The following CNTN5 variants were observed in gnomAD, a reference collection of about 807,000 sequenced individuals.
CNTN5 encodes contactin 5, also known as contactin-5.
A neutral mutation model predicts 129.1 loss-of-function variants in CNTN5; 77 were observed. That is an observed-to-expected ratio of 0.60 (90% CI 0.50 to 0.72). CNTN5 has a LOEUF of 0.72. Ranked by LOEUF, CNTN5 falls within the 30% of genes least tolerant of loss-of-function variation. The pLI is 0.00. For missense variants in CNTN5, 1,478 were observed against 1,328.8 expected (o/e 1.11, Z -1.75); for synonymous variants, 509 against 465.6 (o/e 1.09, Z -1.20).
At chr11:99,030,929 C>T (rs983400806) in intron 1 of CNTN5, among the ~76,000 whole-genome samples, 2 of 151,890 alleles carry the variant, frequency 1.3e-5, no homozygotes, top group Admixed American at 6.6e-5. Context: ...TGGAGGCGCT[C>T]GCCACCACGC....
chr11:99,692,139 C>A (rs1160192220), intron 3 of CNTN5, among the ~76,000 whole-genome samples: 1 of 152,056 alleles, frequency 6.6e-6, no homozygotes, highest in Non-Finnish European at 1.5e-5. Context: ...TGTGTCTTTG[C>A]ATGTGAGATA....
At chr11:99,624,239 T>G (rs1230722898) in intron 3 of CNTN5, among the ~76,000 whole-genome samples, 1 of 145,774 alleles carries the variant, frequency 6.9e-6, no homozygotes, top group Non-Finnish European at 1.6e-5. Context: ...ATCAGTACCT[T>G]ATCTATATAA....
intron 7 of CNTN5, among the ~76,000 whole-genome samples, chr11:99,920,803 AACACTTGCCAACTAATACCAGC>A (rs755522171): frequency 5.3e-5 from 8 of 152,092 alleles, no homozygotes; most frequent in Non-Finnish European, 1.0e-4. Context: ...CACTTACCAA[AACACTTGCCAACTAATACCAGC>A]ACATTGGCAG....
chr11:100,027,114 G>T (rs78419885), intron 9 of CNTN5, among the ~76,000 whole-genome samples: 9,563 of 152,040 alleles, frequency 0.063, 415 homozygotes, highest in East Asian at 0.18. Context: ...CTGTTTTAAT[G>T]TTCTTGTTTA....
intron 3 of CNTN5, among the ~76,000 whole-genome samples, chr11:99,811,169 G>GA (rs1946417684): frequency 6.6e-6 from 1 of 151,958 alleles, no homozygotes; most frequent in African/African-American, 2.4e-5. Flanking sequence ...GGAGTCGATA[G>GA]AAAAGATTCA....
chr11:99,641,425 G>C (rs574725957), intron 3 of CNTN5, among the ~76,000 whole-genome samples: 2 of 151,766 alleles, frequency 1.3e-5, no homozygotes, highest in Admixed American at 6.6e-5. Context: ...CTCCCGGCCT[G>C]GTTCTCAAAG....
chr11:99,885,916 C>T (rs1355386201), intron 6 of CNTN5, among the ~76,000 whole-genome samples: 2 of 152,034 alleles, frequency 1.3e-5, no homozygotes, highest in Admixed American at 6.6e-5. Context: ...TTAACTAGAA[C>T]TTTGAACATT....
intron 10 of CNTN5, among the ~76,000 whole-genome samples, chr11:100,062,295 A>T (rs958270796): frequency 6.6e-6 from 1 of 152,198 alleles, no homozygotes; most frequent in Non-Finnish European, 1.5e-5. Context: ...CTGTATCTCA[A>T]GATCAGTTCC....
At chr11:99,424,087 T>C (rs1033768310) in intron 2 of CNTN5, among the ~76,000 whole-genome samples, 4 of 152,142 alleles carry the variant, frequency 2.6e-5, no homozygotes, top group African/African-American at 9.7e-5. Context: ...CATACATACA[T>C]ATGATACAGC....
intron 2 of CNTN5, among the ~76,000 whole-genome samples, chr11:99,519,486 A>G (rs183672673): frequency 6.6e-6 from 1 of 152,214 alleles, no homozygotes; most frequent in East Asian, 1.9e-4. Flanking sequence ...TCACATGGCA[A>G]CAAATTAGGC....
intron 1 of CNTN5, among the ~76,000 whole-genome samples, chr11:99,125,315 A>G (rs997385207): frequency 6.6e-6 from 1 of 150,978 alleles, no homozygotes; most frequent in African/African-American, 2.4e-5. Flanking sequence ...TTGCCAATCA[A>G]TAAATGTCAT....
At chr11:100,191,595 A>T (rs1948495522) in intron 14 of CNTN5, among the ~76,000 whole-genome samples, 2 of 152,114 alleles carry the variant, frequency 1.3e-5, no homozygotes, top group African/African-American at 4.8e-5. Context: ...TAATTTTAGC[A>T]TCAATCACTA....
intron 3 of CNTN5, among the ~76,000 whole-genome samples, chr11:99,569,254 T>C (rs1194125957): frequency 6.6e-6 from 1 of 152,188 alleles, no homozygotes; most frequent in African/African-American, 2.4e-5. Flanking sequence ...GGACCTAGCA[T>C]AATCCTTGCT....
At chr11:99,687,138 AC>A (rs1158672238) in intron 3 of CNTN5, among the ~76,000 whole-genome samples, 3 of 151,576 alleles carry the variant, frequency 2.0e-5, no homozygotes, top group Non-Finnish European at 4.4e-5. Flanking sequence ...TTACGTATCT[AC>A]CATTCAAATT....
chr11:99,039,391 T>C (rs988822140), intron 1 of CNTN5, among the ~76,000 whole-genome samples: 3 of 152,172 alleles, frequency 2.0e-5, no homozygotes, highest in African/African-American at 7.2e-5. Context: ...GTGTCATTAA[T>C]AGGAAATACT....
intron 8 of CNTN5, among the ~76,000 whole-genome samples, chr11:99,995,500 G>A (rs1042859199): frequency 2.0e-5 from 3 of 152,008 alleles, no homozygotes; most frequent in Non-Finnish European, 4.4e-5. Context: ...CTCGCCAAAG[G>A]TAGCCCTTTT....
At chr11:99,727,025 G>T (rs951870572) in intron 3 of CNTN5, among the ~76,000 whole-genome samples, 5 of 151,504 alleles carry the variant, frequency 3.3e-5, no homozygotes, top group African/African-American at 9.7e-5. Context: ...TCCAGGGCAT[G>T]GCCGGGCGCG....
chr11:99,929,471 G>A (rs935182187), intron 7 of CNTN5, among the ~76,000 whole-genome samples: 1 of 152,156 alleles, frequency 6.6e-6, no homozygotes, highest in African/African-American at 2.4e-5. Flanking sequence ...AAATACCTGA[G>A]ACTGAGTAAT....
intron 3 of CNTN5, among the ~76,000 whole-genome samples, chr11:99,764,472 A>G (rs1418884765): frequency 2.0e-5 from 3 of 152,004 alleles, no homozygotes; most frequent in Admixed American, 6.6e-5. Context: ...CTGGAGTACA[A>G]TGGCGTGATC....
Sources: gnomAD v4.1 joint callset for allele counts (sites outside exome capture counted in the v4.1 genomes callset) on GRCh38, gnomAD v4.1.1 for gene constraint, MANE v1.5 for transcripts, NCBI Gene and HGNC (gene_info 2026-07-23, HGNC 2026-07-21) for gene names.